ARID4B: variants seen among roughly 807,000 people sequenced by gnomAD.
The protein encoded by ARID4B is AT-rich interaction domain 4B, also known as AT-rich interactive domain-containing protein 4B.
A neutral mutation model predicts 147.5 loss-of-function variants in ARID4B; 26 were observed. The ratio of observed to expected loss-of-function variants is 0.18; its 90% CI spans 0.13 to 0.24. The LOEUF is 0.24. ARID4B is among the 10% of genes least tolerant of loss of function. ARID4B has a pLI of 1.00. For synonymous variants in ARID4B, 512 were observed against 507.9 expected (o/e 1.01, Z -0.11); for missense variants, 1,179 against 1,511.5 (o/e 0.78, Z 3.65).
chr1:235,255,602 A>C (rs1669934298), intron 5 of ARID4B, 58 bp downstream of exon 5: 1 of 1,092,298 alleles, frequency 9.2e-7, no homozygotes, highest in African/African-American at 1.6e-5. Context: ...TTTTATTTGT[A>C]TTAAGTTTTC....
chr1:235,244,900 A>G (rs755488536), intron 7 of ARID4B, among the ~76,000 whole-genome samples: 1 of 152,194 alleles, frequency 6.6e-6, no homozygotes, highest in Non-Finnish European at 1.5e-5. Context: ...GAGGAAATGT[A>G]ATCAAGGAGA....
At chr1:235,327,009 GC>G in intron 1 of ARID4B, 41 bp from the exon 2 acceptor site, 1 of 1,390,330 alleles carries the variant, frequency 7.2e-7, no homozygotes, top group Non-Finnish European at 1.0e-6. Context: ...CACCACAGGA[GC>G]CCCTCTGCAC....
At chr1:235,270,498 C>T (rs568751630) in intron 2 of ARID4B, among the ~76,000 whole-genome samples, 44 of 152,200 alleles carry the variant, frequency 2.9e-4, no homozygotes, top group African/African-American at 1.1e-3. Context: ...ATTTTAGATC[C>T]ACATCTCATA....
chr1:235,252,457 G>A (rs571078919), intron 6 of ARID4B, among the ~76,000 whole-genome samples: 2 of 152,190 alleles, frequency 1.3e-5, no homozygotes, highest in Non-Finnish European at 2.9e-5. Context: ...CAAATTTTAA[G>A]TCTGTTTAAA....
In ARID4B at chr1:235,235,185, T is replaced by C. The variant is rs193275073; in HGVS notation, c.586-693A>G. ...TACAAATAGGCAGATGACAGAGTTA[T>C]TCACTGTGAAAGAAAAACAACAAAA... On this transcript the variant is annotated intron_variant, in intron 8 of 23. Coordinates refer to ENST00000264183, the MANE Select transcript of ARID4B (RefSeq NM_016374.6). 2.6e-3 allele frequency among the ~76,000 whole-genome samples: 397 copies of C among 152,196 alleles called. 1 individual carries two copies. Among genetic ancestry groups the C allele is most frequent in the Non-Finnish European group, 1.6e-3 (108 of 68,010 alleles).
chr1:235,317,115 T>G (rs993189389), intron 2 of ARID4B, among the ~76,000 whole-genome samples: 2 of 152,188 alleles, frequency 1.3e-5, no homozygotes, highest in Non-Finnish European at 2.9e-5. Context: ...AACAATATAA[T>G]AAAAATTTTT....
intron 23 of ARID4B, among the ~76,000 whole-genome samples, chr1:235,169,668 T>A (rs1167085898): frequency 6.6e-6 from 1 of 151,954 alleles, no homozygotes; most frequent in Non-Finnish European, 1.5e-5. Flanking sequence ...CCTTTTTTTT[T>A]TTTTTCCTTT....
intron 14 of ARID4B, among the ~76,000 whole-genome samples, chr1:235,220,759 A>G (rs1667409969): frequency 6.6e-6 from 1 of 152,248 alleles, no homozygotes; most frequent in Admixed American, 6.5e-5. Context: ...AGTCATAACA[A>G]TAACAGCTAT....
intron 19 of ARID4B, chr1:235,189,976 A>G (rs1158656639): frequency 6.5e-6 from 1 of 154,380 alleles, no homozygotes; most frequent in African/African-American, 2.4e-5. Flanking sequence ...TAGAACAGAA[A>G]GACAGAAGTT....
intron 6 of ARID4B, among the ~76,000 whole-genome samples, chr1:235,250,623 A>G (rs760991544): frequency 2.6e-5 from 4 of 152,192 alleles, no homozygotes; most frequent in Non-Finnish European, 5.9e-5. Context: ...CCATGTTTAC[A>G]TGGGTTGGCT....
intron 17 of ARID4B, among the ~76,000 whole-genome samples, chr1:235,205,420 G>A (rs963192841): frequency 6.6e-6 from 1 of 152,086 alleles, no homozygotes; most frequent in African/African-American, 2.4e-5. Context: ...GCTAAGAGAT[G>A]AGCTCTTTAT....
chr1:235,210,621 T>C (rs915408827), intron 17 of ARID4B, among the ~76,000 whole-genome samples: 43 of 152,200 alleles, frequency 2.8e-4, no homozygotes, highest in African/African-American at 1.0e-3. Context: ...CTGAAGTACA[T>C]TTGTTTTCTC....
intron 16 of ARID4B, among the ~76,000 whole-genome samples, chr1:235,215,617 G>C (rs1215323974): frequency 6.7e-6 from 1 of 149,880 alleles, no homozygotes; most frequent in African/African-American, 2.4e-5. Flanking sequence ...TGGTCTCACT[G>C]TGTCATCCAG....
intron 4 of ARID4B, among the ~76,000 whole-genome samples, 176 bp from the exon 5 acceptor site, chr1:235,255,926 C>G (rs984435057): frequency 6.6e-6 from 1 of 152,064 alleles, no homozygotes; most frequent in Non-Finnish European, 1.5e-5. Flanking sequence ...GCAATCCCAG[C>G]ACTTTGAGGG....
At chr1:235,269,395 T>C (rs1422208858) in intron 2 of ARID4B, among the ~76,000 whole-genome samples, 1 of 152,212 alleles carries the variant, frequency 6.6e-6, no homozygotes, top group Non-Finnish European at 1.5e-5. Flanking sequence ...GGTGTAATTG[T>C]GCAACGTTTT....
Position 235,260,617 on chromosome 1 carries a change from T to C in ARID4B, c.117+25A>G, listed in dbSNP as rs1189701901. 4.6e-6 allele frequency: 7 copies of C among 1,505,962 alleles called. No individual in the cohort carries two copies. The African/African-American group carries it at 8.5e-5, about 18-fold the overall frequency. The allele number at this position is 1,505,962 out of a possible 1,614,324, so 93.3% of individuals were successfully genotyped here. A position where few individuals can be genotyped will look rare whatever the true frequency, so the allele number is the denominator to read the frequency against. On this transcript the variant is annotated intron_variant, in intron 3 of 23. Transcript: ENST00000264183. ...TACATATCAAATGCTGAACATACAA[T>C]TTATGAAATCTATAAATACTGTACC...
intron 20 of ARID4B, 88 bp downstream of exon 20, chr1:235,181,497 C>T (rs190531458): frequency 1.0e-4 from 153 of 1,468,320 alleles, no homozygotes; most frequent in Middle Eastern, 7.2e-4. Flanking sequence ...TTAATCGCCT[C>T]AGGTTATAAC....
chr1:235,183,071 A>C lies in ARID4B; in HGVS notation c.2126-278T>G, dbSNP rs529836590. On this transcript the variant is annotated intron_variant, in intron 19 of 23. Coordinates refer to ENST00000264183, the MANE Select transcript of ARID4B (RefSeq NM_016374.6). ...AACATAAAAGTCATCACTTTTATGT[A>C]AACTGTACCTTAATAAAGCTGAAAT... is the stretch of plus-strand genomic sequence containing the variant. 7.4e-4 allele frequency among the ~76,000 whole-genome samples: 113 copies of C among 152,292 alleles called. 1 individual carries two copies. Among genetic ancestry groups the C allele is most frequent in the African/African-American group, 2.6e-3 (109 of 41,562 alleles).
intron 6 of ARID4B, 84 bp downstream of exon 6, chr1:235,252,646 A>T: frequency 9.4e-7 from 1 of 1,066,722 alleles, no homozygotes; most frequent in Non-Finnish European, 1.4e-6. Flanking sequence ...ATTAGGAAGT[A>T]GGTTTACTGA....
Sources: allele counts gnomAD v4.1 joint callset (sites outside exome capture counted in the v4.1 genomes callset), GRCh38; gene constraint gnomAD v4.1.1; transcripts MANE v1.5; gene names NCBI Gene and HGNC (gene_info 2026-07-23, HGNC 2026-07-21).